Variants in FANCM observed in about 807,000 individuals in gnomAD.
FANCM encodes FA complementation group M.
A neutral mutation model predicts 199.5 loss-of-function variants in FANCM; 140 were observed. The ratio of observed to expected loss-of-function variants is 0.70; its 90% CI spans 0.61 to 0.81. FANCM has a LOEUF of 0.81. FANCM is among the 30% of genes least tolerant of loss of function. The probability of loss-of-function intolerance (pLI) is 0.00; values close to 1 mark genes in which losing one functional copy is unlikely to be tolerated. For synonymous variants in FANCM, 840 were observed against 836.8 expected, an observed-to-expected ratio of 1.00 and a Z score of -0.07; for missense variants, 2,410 against 2,421.4, an observed-to-expected ratio of 1.00 and a Z score of 0.10.
Position 45,167,111 on chromosome 14 carries a change from G to A in FANCM, c.1950G>A (p.Glu650=). Residue 650 remains glutamate, a synonymous_variant, in exon 11 of 23, where the codon GAG becomes GAA. Transcript: ENST00000267430. ...MFITHGVYEP[E]KPSRNLQRKS... ...TCACACATGGTGTCTATGAACCAGA[G>A]AAGCCTTCTCGGAACTTGCAGCGAA... 6.2e-7 allele frequency: 1 copy of A among 1,613,826 alleles called. No individual in the cohort carries two copies. Among genetic ancestry groups the A allele is most frequent in the South Asian group, 1.1e-5 (1 of 91,068 alleles).
intron 3 of FANCM, among the ~76,000 whole-genome samples, chr14:45,144,261 T>G (rs11845705): frequency 0.066 from 9,994 of 151,946 alleles, 1,100 homozygotes; most frequent in African/African-American, 0.23. Flanking sequence ...TATCAAATAT[T>G]AGATCTTATT....
chr14:45,172,859 TAAC>T lies in FANCM; in HGVS notation c.2161-193_2161-191del, dbSNP rs1186439097. ...ACTTGTAAGTCATATAACAGTTACT[TAAC>T]AAATATATTTTAAAGGGCATCTTTC... On this transcript the variant is annotated intron_variant, in intron 12 of 22. Coordinates refer to ENST00000267430, the MANE Select transcript of FANCM (RefSeq NM_020937.4). 2.0e-5 allele frequency among the ~76,000 whole-genome samples: 3 copies of T among 152,306 alleles called. No individual in the cohort carries two copies. In the East Asian group the frequency reaches 5.8e-4, roughly 29 times the overall value.
At chr14:45,187,521 A>G (rs1889480970) in intron 18 of FANCM, among the ~76,000 whole-genome samples, 1 of 152,064 alleles carries the variant, frequency 6.6e-6, no homozygotes, top group South Asian at 2.1e-4. Context: ...TTTAATCCTC[A>G]TTTTCAGAGA....
intron 20 of FANCM, among the ~76,000 whole-genome samples, chr14:45,190,639 C>G (rs146162182): frequency 1.6e-4 from 25 of 152,198 alleles, no homozygotes; most frequent in African/African-American, 5.8e-4. Flanking sequence ...CAAGGTGTTT[C>G]ATCACACTCT....
Position 45,149,012 on chromosome 14 carries a change from A to G in FANCM, c.918+17A>G. 6.3e-7 allele frequency: 1 copy of G among 1,592,210 alleles called. No homozygotes were observed. Among genetic ancestry groups the G allele is most frequent in the East Asian group, 2.2e-5 (1 of 44,668 alleles). Reference sequence around the variant, plus strand: ...TATATCCAGGTAAACCATTTTTATGACATTTAGGGATTTCATAAATAAACT... The same window carrying G: ...TATATCCAGGTAAACCATTTTTATGGCATTTAGGGATTTCATAAATAAACT... On this transcript the variant is annotated intron_variant, in intron 4 of 22. Transcript: ENST00000267430.
chr14:45,185,199 C>A lies in FANCM; in HGVS notation c.4516-18C>A. On this transcript the variant is annotated intron_variant, in intron 17 of 22. Transcript: ENST00000267430. ...TTTCTCACTGATATCTTCATGTTTT[C>A]TAATTTGTCTTACTTAGCATGTAGC... 6 of 1,515,638 alleles carry A rather than the reference C, an allele frequency of 4.0e-6. No individual in the cohort carries two copies. The highest frequency in any genetic ancestry group is 5.4e-6 in the Non-Finnish European group (6 of 1,106,118). 93.9% of individuals were successfully genotyped at this position (1,515,638 alleles called of 1,614,324 possible).
intron 8 of FANCM, among the ~76,000 whole-genome samples, chr14:45,158,608 A>G (rs928678092): frequency 2.0e-5 from 3 of 152,138 alleles, no homozygotes; most frequent in Non-Finnish European, 2.9e-5. Flanking sequence ...TTATGAAATT[A>G]GGGGGAGCTG....
At chr14:45,146,961 G>A (rs1337284137) in intron 3 of FANCM, among the ~76,000 whole-genome samples, 4 of 151,040 alleles carry the variant, frequency 2.6e-5, no homozygotes, top group South Asian at 2.1e-4. Context: ...ATTCTTTTGC[G>A]TATTGATTAT....
chr14:45,152,346 A>G (rs767754323), intron 5 of FANCM, among the ~76,000 whole-genome samples: 1 of 151,936 alleles, frequency 6.6e-6, no homozygotes, highest in Non-Finnish European at 1.5e-5. Flanking sequence ...TTTCTTTTTA[A>G]CTTTTAAGAA....
At chr14:45,192,258 A>G (rs1889809105) in intron 20 of FANCM, among the ~76,000 whole-genome samples, 1 of 152,226 alleles carries the variant, frequency 6.6e-6, no homozygotes, top group Non-Finnish European at 1.5e-5. Context: ...TAGGGCAAAC[A>G]GTTAGGCTGA....
At chr14:45,153,851 C>G (rs566514921) in intron 5 of FANCM, 69 bp from the exon 6 acceptor site, 1 of 1,234,318 alleles carries the variant, frequency 8.1e-7, no homozygotes, top group Non-Finnish European at 1.2e-6. Flanking sequence ...TATGGCCTGA[C>G]AACTTGGGCA....
chr14:45,185,327 A>G lies in FANCM; in HGVS notation c.4626A>G (p.Leu1542=). 6.3e-7 allele frequency: 1 copy of G among 1,592,936 alleles called. No individual in the cohort carries two copies. The highest frequency in any genetic ancestry group is 8.6e-7 in the Non-Finnish European group (1 of 1,164,570). ...DESENEQDSS[L]LDFLNDETQL... ...CAGAAAATGAACAAGATTCCTCATT[A>G]CTTGACTTTTTAAATGATGAAACTC... is the stretch of plus-strand genomic sequence containing the variant. The change falls in exon 18 of 23, where the codon TTA becomes TTG. Residue 1542 remains leucine, a synonymous_variant. Transcript: ENST00000267430.
intron 9 of FANCM, among the ~76,000 whole-genome samples, chr14:45,162,012 A>G (rs1887640325): frequency 6.6e-6 from 1 of 152,220 alleles, no homozygotes; most frequent in Admixed American, 6.5e-5. Flanking sequence ...AGATAAAGGC[A>G]TATGAAGTCT....
At chr14:45,141,518 T>A (rs1328148921) in intron 3 of FANCM, among the ~76,000 whole-genome samples, 1 of 57,024 alleles carries the variant, frequency 1.8e-5, no homozygotes, top group Non-Finnish European at 3.0e-5. Context: ...CCCCCTCCCC[T>A]CCCCTTCCTC....
intron 3 of FANCM, among the ~76,000 whole-genome samples, chr14:45,144,434 C>T (rs1886217662): frequency 6.6e-6 from 1 of 151,810 alleles, no homozygotes; most frequent in South Asian, 2.1e-4. Context: ...AGTTTGTCAG[C>T]AAGTTCCTCC....
intron 20 of FANCM, 21 bp from the exon 21 acceptor site, chr14:45,196,151 C>G: frequency 1.2e-6 from 2 of 1,613,764 alleles, no homozygotes; most frequent in South Asian, 2.2e-5. Context: ...TGAATGTGAC[C>G]AGTGTTTTCC....
At chr14:45,137,031 C>G in intron 1 of FANCM, 38 bp from the exon 2 acceptor site, 1 of 1,481,546 alleles carries the variant, frequency 6.7e-7, no homozygotes, top group Non-Finnish European at 9.4e-7. Flanking sequence ...AGATAACAGT[C>G]TGAAGTTTAG....
chr14:45,192,190 A>G (rs979796131), intron 20 of FANCM, among the ~76,000 whole-genome samples: 1 of 152,230 alleles, frequency 6.6e-6, no homozygotes, highest in African/African-American at 2.4e-5. Context: ...TTACTATAAC[A>G]AAGAGCCAGT....
At position 45,173,206 on chromosome 14, in the gene FANCM, A is replaced by C; in HGVS notation, c.2312A>C (p.Glu771Ala). 2 of 1,613,686 alleles carry C rather than the reference A, an allele frequency of 1.2e-6. No individual in the cohort carries two copies. The highest frequency in any genetic ancestry group is 2.2e-5 in the South Asian group (2 of 91,078). Residue 771 changes from glutamate (E) to alanine (A), a missense_variant, in exon 13 of 23, where the codon GAA (glutamate) becomes GCA (alanine). Glu to Ala is a moderately radical substitution (Grantham distance 107). Transcript: ENST00000267430. ...LMQMIEGMRHEEGECSYELEV... is the reference protein window; with the variant it reads ...LMQMIEGMRHAEGECSYELEV... ...CAAATGATAGAGGGAATGAGACACG[A>C]AGAGGTGGGGTTTTATTGTAACTTT... is the stretch of plus-strand genomic sequence containing the variant.
Sources: gnomAD v4.1 joint callset for allele counts (sites outside exome capture counted in the v4.1 genomes callset) on GRCh38, gnomAD v4.1.1 for gene constraint, MANE v1.5 for transcripts, NCBI Gene and HGNC (gene_info 2026-07-23, HGNC 2026-07-21) for gene names.